The following GPR158 variants were observed in gnomAD, a reference collection of about 807,000 sequenced individuals.
GPR158 encodes G protein-coupled receptor 158.
GPR158 carries 30 observed loss-of-function variants against 78.2 expected under a neutral mutation model. The ratio of observed to expected loss-of-function variants is 0.38; its 90% confidence interval spans 0.29 to 0.52. The LOEUF is 0.52. GPR158 is among the 20% of genes least tolerant of loss of function. GPR158 has a pLI of 0.83. For synonymous variants in GPR158, 581 were observed against 591.1 expected, an observed-to-expected ratio of 0.98 and a Z score of 0.25; for missense variants, 1,463 against 1,523.5, an observed-to-expected ratio of 0.96 and a Z score of 0.66.
intron 4 of GPR158, among the ~76,000 whole-genome samples, chr10:25,412,879 C>A (rs1298324271): frequency 6.6e-6 from 1 of 152,164 alleles, no homozygotes; most frequent in East Asian, 1.9e-4. Context: ...AATGACTCAA[C>A]TATTTTTAGC....
In GPR158 at chr10:25,241,328, TCTC is replaced by T. The variant is rs1461465670; in HGVS notation, c.1008+20172_1008+20174del. On this transcript the variant is annotated intron_variant, in intron 2 of 10. Transcript: ENST00000376351. ...TCTTTTCTTTTCTCTTCTCTTCTCT[TCTC>T]TTCTCTTTTCTCTTTTCTCTTTTCT... Among the ~76,000 whole-genome samples, 12 of 139,220 alleles carry T rather than the reference TCTC, an allele frequency of 8.6e-5. 1 individual carries two copies. The highest frequency in any genetic ancestry group is 2.9e-4 in the African/African-American group (10 of 34,022). 91.3% of individuals were successfully genotyped at this position (139,220 alleles called of 152,430 possible). A position where few individuals can be genotyped will look rare whatever the true frequency, so the allele number is the denominator to read the frequency against.
rs1008638620 is a variant in GPR158, at chr10:25,251,259, CTT to C, written c.1008+30104_1008+30105del. On this transcript the variant is annotated intron_variant, in intron 2 of 10. Transcript: ENST00000376351. ...TACAGCACACTGATGGGTCTTGACT[CTT>C]TATCCAATTTGCCAGTCTGTGTCTT... 2.7e-3 allele frequency among the ~76,000 whole-genome samples: 411 copies of C among 152,188 alleles called. 3 individuals carry two copies. The highest frequency in any genetic ancestry group is 9.6e-3 in the African/African-American group (400 of 41,492).
chr10:25,231,633 A>G (rs1853449284), intron 2 of GPR158, among the ~76,000 whole-genome samples: 2 of 152,188 alleles, frequency 1.3e-5, no homozygotes, highest in African/African-American at 4.8e-5. Context: ...CTGTCTGTAC[A>G]CGTTATCTGG....
chr10:25,189,858 G>GTGTGTGTGTGTT (rs1211084998), intron 1 of GPR158, among the ~76,000 whole-genome samples: 1 of 150,374 alleles, frequency 6.7e-6, no homozygotes, highest in African/African-American at 2.5e-5. Flanking sequence ...GTGTGTGTGT[G>GTGTGTGTGTGTT]TGTGTGTGTG....
In GPR158 at chr10:25,428,050, A is replaced by G. The variant is rs967994707; in HGVS notation, c.1335+15577A>G. 8.5e-5 allele frequency among the ~76,000 whole-genome samples: 13 copies of G among 152,178 alleles called. No homozygotes were observed. The South Asian group carries it at 2.3e-3, about 27-fold the overall frequency. ...AAGATGAATGAGTTGGAATATATAA[A>G]TTATGTTGGATTGCTTTATACATTT... On this transcript the variant is annotated intron_variant, in intron 4 of 10. Coordinates refer to ENST00000376351, the MANE Select transcript of GPR158 (RefSeq NM_020752.3).
chr10:25,370,941 T>C (rs1833980791), intron 2 of GPR158, among the ~76,000 whole-genome samples: 1 of 150,690 alleles, frequency 6.6e-6, no homozygotes, highest in Non-Finnish European at 1.5e-5. Flanking sequence ...TTTGTCTCTT[T>C]TGATCTTTGC....
intron 1 of GPR158, among the ~76,000 whole-genome samples, chr10:25,191,971 C>G (rs1442994777): frequency 6.6e-6 from 1 of 152,124 alleles, no homozygotes; most frequent in Non-Finnish European, 1.5e-5. Context: ...CCAAAGAGTT[C>G]TACAGGTTTT....
At chr10:25,319,064 C>T (rs539530549) in intron 2 of GPR158, among the ~76,000 whole-genome samples, 124 of 152,296 alleles carry the variant, frequency 8.1e-4, no homozygotes, top group African/African-American at 2.8e-3. Context: ...CTTGACTGGT[C>T]CAGACTTCTT....
At chr10:25,382,289 T>G (rs1349262224) in intron 2 of GPR158, among the ~76,000 whole-genome samples, 1 of 152,212 alleles carries the variant, frequency 6.6e-6, no homozygotes, top group Non-Finnish European at 1.5e-5. Context: ...ACAAGGCATC[T>G]TGCTGTGTGT....
At chr10:25,266,615 A>G (rs983196720) in intron 2 of GPR158, among the ~76,000 whole-genome samples, 5 of 152,190 alleles carry the variant, frequency 3.3e-5, no homozygotes, top group African/African-American at 1.2e-4. Context: ...AGGAAAGCTT[A>G]AAAAAGGAAG....
chr10:25,413,949 A>G (rs1377821515), intron 4 of GPR158, among the ~76,000 whole-genome samples: 1 of 152,238 alleles, frequency 6.6e-6, no homozygotes, highest in African/African-American at 2.4e-5. Flanking sequence ...AGTAGAGTTG[A>G]GAAATATATA....
chr10:25,338,520 C>T (rs145521213), intron 2 of GPR158, among the ~76,000 whole-genome samples: 20,993 of 93,970 alleles, frequency 0.22, 2,913 homozygotes, highest in African/African-American at 0.4. Flanking sequence ...GTATAATATA[C>T]GTATATTACG....
chr10:25,470,356 A>G (rs1835483035), intron 5 of GPR158, among the ~76,000 whole-genome samples: 1 of 152,088 alleles, frequency 6.6e-6, no homozygotes, highest in Non-Finnish European at 1.5e-5. Flanking sequence ...AACATGTAAA[A>G]GAGCTCGGTG....
At chr10:25,440,543 A>G (rs542862283) in intron 4 of GPR158, among the ~76,000 whole-genome samples, 18 of 152,364 alleles carry the variant, frequency 1.2e-4, no homozygotes, top group East Asian at 3.9e-4. Flanking sequence ...CGGAGTTAAC[A>G]TGAGAAAGTT....
chr10:25,563,476 T>C (rs1836885274), intron 6 of GPR158, among the ~76,000 whole-genome samples: 1 of 152,224 alleles, frequency 6.6e-6, no homozygotes. Flanking sequence ...TGTGATTTGT[T>C]TTTATATATT....
chr10:25,341,908 C>G (rs1855308832), intron 2 of GPR158, among the ~76,000 whole-genome samples: 1 of 151,804 alleles, frequency 6.6e-6, no homozygotes, highest in Non-Finnish European at 1.5e-5. Context: ...ACTTTCTGGT[C>G]CCACCTCACC....
intron 8 of GPR158, among the ~76,000 whole-genome samples, chr10:25,593,080 G>A (rs1048356571): frequency 2.7e-4 from 41 of 151,884 alleles, no homozygotes; most frequent in Non-Finnish European, 3.1e-4. Flanking sequence ...TTAATGAAAC[G>A]TGAGCTATTG....
At chr10:25,297,150 T>C (rs1364433090) in intron 2 of GPR158, among the ~76,000 whole-genome samples, 1 of 152,204 alleles carries the variant, frequency 6.6e-6, no homozygotes, top group Non-Finnish European at 1.5e-5. Flanking sequence ...ATGTATTCCA[T>C]ATCAGAAGAA....
intron 2 of GPR158, among the ~76,000 whole-genome samples, chr10:25,389,271 T>C (rs111638220): frequency 7.2e-4 from 110 of 152,090 alleles, no homozygotes; most frequent in African/African-American, 2.5e-3. Flanking sequence ...TCAGCCAGAC[T>C]CAAGGAGATG....
Sources: gnomAD v4.1 joint callset for allele counts (sites outside exome capture counted in the v4.1 genomes callset) on GRCh38, gnomAD v4.1.1 for gene constraint, MANE v1.5 for transcripts, NCBI Gene and HGNC (gene_info 2026-07-23, HGNC 2026-07-21) for gene names.